The following CCSER1 variants were observed in gnomAD, a reference collection of about 807,000 sequenced individuals.
CCSER1 encodes the protein serine-rich coiled-coil domain-containing protein 1.
In CCSER1, 41 loss-of-function variants were observed where a neutral mutation model predicts 82.0. That is an observed-to-expected ratio of 0.50 (90% CI 0.39 to 0.65). The LOEUF (loss-of-function observed/expected upper bound fraction) is 0.65, where lower values mean the gene tolerates loss of function less well. Among genes scored for constraint, CCSER1 ranks in the 30% least tolerant of loss-of-function variants. The pLI is 0.00. For synonymous variants in CCSER1, 414 were observed against 383.9 expected (o/e 1.08, Z -0.92); for missense variants, 1,119 against 1,064.2 (o/e 1.05, Z -0.72).
At chr4:91,527,456 AAAAG>A (rs1439327147) in intron 10 of CCSER1, among the ~76,000 whole-genome samples, 1 of 152,204 alleles carries the variant, frequency 6.6e-6, no homozygotes, top group Non-Finnish European at 1.5e-5. Flanking sequence ...ATAGTATTTG[AAAAG>A]AAAGAGATCA....
At chr4:91,184,589 C>A (rs979893099) in intron 10 of CCSER1, among the ~76,000 whole-genome samples, 3 of 152,172 alleles carry the variant, frequency 2.0e-5, no homozygotes, top group African/African-American at 7.2e-5. Context: ...TTTTCAGTAA[C>A]TAATTTCTCT....
At chr4:91,534,517 T>A (rs1052892879) in intron 10 of CCSER1, among the ~76,000 whole-genome samples, 23 of 152,048 alleles carry the variant, frequency 1.5e-4, no homozygotes, top group African/African-American at 5.5e-4. Flanking sequence ...TTATCATAAT[T>A]GGAAATACTA....
intron 9 of CCSER1, among the ~76,000 whole-genome samples, chr4:91,065,469 G>A (rs1037071856): frequency 1.3e-5 from 2 of 151,698 alleles, no homozygotes; most frequent in Admixed American, 1.3e-4. Flanking sequence ...GTTAGAATTG[G>A]GAAATTCATA....
At chr4:90,770,541 G>T (rs535714602) in intron 7 of CCSER1, among the ~76,000 whole-genome samples, 100 of 152,154 alleles carry the variant, frequency 6.6e-4, no homozygotes, top group African/African-American at 2.2e-3. Context: ...AAATGTTAGG[G>T]GAAAATCCCA....
At chr4:90,402,888 G>A (rs1228380305) in intron 4 of CCSER1, among the ~76,000 whole-genome samples, 6 of 152,064 alleles carry the variant, frequency 3.9e-5, no homozygotes, top group Non-Finnish European at 8.8e-5. Context: ...CTACTTTAAG[G>A]TGTAGGTTGC....
intron 10 of CCSER1, among the ~76,000 whole-genome samples, chr4:91,170,304 CATACTT>C (rs750339378): frequency 2.9e-4 from 44 of 152,158 alleles, no homozygotes; most frequent in Admixed American, 1.6e-3. Flanking sequence ...TGCAGCTACT[CATACTT>C]ATAACAGATG....
chr4:90,348,621 G>A (rs1187511498), intron 3 of CCSER1, among the ~76,000 whole-genome samples: 1 of 151,848 alleles, frequency 6.6e-6, no homozygotes, highest in African/African-American at 2.4e-5. Flanking sequence ...TAAGACAATT[G>A]TTCATTTGAT....
At chr4:91,308,686 C>T (rs1197469350) in intron 10 of CCSER1, among the ~76,000 whole-genome samples, 1 of 151,980 alleles carries the variant, frequency 6.6e-6, no homozygotes, top group East Asian at 1.9e-4. Flanking sequence ...TTGGGAATTA[C>T]TGGCCCAGGA....
At chr4:90,183,506 C>T (rs534310024) in intron 1 of CCSER1, among the ~76,000 whole-genome samples, 18 of 152,188 alleles carry the variant, frequency 1.2e-4, no homozygotes, top group East Asian at 9.7e-4. Flanking sequence ...ACTTTCCCTA[C>T]GAAGGGCTAT....
intron 4 of CCSER1, among the ~76,000 whole-genome samples, chr4:90,439,487 A>G (rs1177142284): frequency 1.3e-5 from 2 of 152,222 alleles, no homozygotes; most frequent in African/African-American, 2.4e-5. Context: ...TACTTCTAAT[A>G]TATCCCTACC....
intron 4 of CCSER1, among the ~76,000 whole-genome samples, chr4:90,463,323 A>G (rs1763179751): frequency 6.6e-6 from 1 of 152,214 alleles, no homozygotes; most frequent in African/African-American, 2.4e-5. Context: ...TATTTAAATG[A>G]GAATCAGCAT....
intron 7 of CCSER1, among the ~76,000 whole-genome samples, chr4:90,767,503 G>A (rs1275484794): frequency 6.6e-6 from 1 of 151,974 alleles, no homozygotes; most frequent in Non-Finnish European, 1.5e-5. Context: ...AATTGCTCTG[G>A]CCTTGTGAAC....
At chr4:90,268,673 A>G (rs1725686184) in intron 1 of CCSER1, among the ~76,000 whole-genome samples, 1 of 152,146 alleles carries the variant, frequency 6.6e-6, no homozygotes, top group Admixed American at 6.5e-5. Context: ...ATAAATAACA[A>G]AATGGCAGGA....
At chr4:90,688,312 C>T (rs143816182) in intron 6 of CCSER1, among the ~76,000 whole-genome samples, 3 of 152,102 alleles carry the variant, frequency 2.0e-5, no homozygotes, top group African/African-American at 7.2e-5. Flanking sequence ...TGTGTGTGCA[C>T]GTGCATGTGT....
At chr4:91,361,976 C>A (rs1013970670) in intron 10 of CCSER1, among the ~76,000 whole-genome samples, 39 of 151,652 alleles carry the variant, frequency 2.6e-4, no homozygotes, top group African/African-American at 9.4e-4. Context: ...TACAAAAAAC[C>A]TCTCTGAGCA....
intron 5 of CCSER1, among the ~76,000 whole-genome samples, chr4:90,599,163 C>T (rs775617249): frequency 7.2e-5 from 11 of 151,944 alleles, no homozygotes; most frequent in South Asian, 2.1e-4. Flanking sequence ...TGCAGGTATC[C>T]GTGGTGGTTG....
chr4:90,891,503 C>T (rs1277413269), intron 8 of CCSER1, among the ~76,000 whole-genome samples: 1 of 151,658 alleles, frequency 6.6e-6, no homozygotes, highest in Admixed American at 6.6e-5. Context: ...TATTATTTTA[C>T]AATACAAGAA....
intron 10 of CCSER1, among the ~76,000 whole-genome samples, chr4:91,564,044 T>A (rs1762775019): frequency 6.6e-6 from 1 of 151,724 alleles, no homozygotes; most frequent in African/African-American, 2.4e-5. Flanking sequence ...ACTCCCAGCC[T>A]CCCCCATTAA....
At chr4:90,557,313 AT>A (rs1251290661) in intron 5 of CCSER1, among the ~76,000 whole-genome samples, 5 of 152,068 alleles carry the variant, frequency 3.3e-5, no homozygotes, top group African/African-American at 1.2e-4. Flanking sequence ...TACAGCAAAG[AT>A]TTTTGTAAAT....
Sources: allele counts gnomAD v4.1 joint callset (sites outside exome capture counted in the v4.1 genomes callset), GRCh38; gene constraint gnomAD v4.1.1; transcripts MANE v1.5; gene names NCBI Gene and HGNC (gene_info 2026-07-23, HGNC 2026-07-21).